The following PPP6R3 variants were observed in gnomAD, a reference collection of about 807,000 sequenced individuals.
PPP6R3 encodes the protein protein phosphatase 6 regulatory subunit 3.
A neutral mutation model predicts 110.7 loss-of-function variants in PPP6R3; 38 were observed. The observed-to-expected ratio is 0.34, with a 90% CI of 0.26 to 0.45. The LOEUF is 0.45. Among genes scored for constraint, PPP6R3 ranks in the 20% least tolerant of loss-of-function variants. The pLI, the probability that PPP6R3 is intolerant of heterozygous loss-of-function variation, is 1.00. For missense variants in PPP6R3, 870 were observed against 1,062.4 expected (o/e 0.82, Z 2.52); for synonymous variants, 369 against 373.5 (o/e 0.99, Z 0.14).
chr11:68,556,659 ACTG>A (rs1334991599), intron 7 of PPP6R3, among the ~76,000 whole-genome samples: 53 of 152,260 alleles, frequency 3.5e-4, no homozygotes, highest in African/African-American at 1.3e-3. Context: ...CTATCCAGAA[ACTG>A]CTATTTTTTA....
chr11:68,588,690 C>A (rs2099586389), intron 16 of PPP6R3, among the ~76,000 whole-genome samples: 1 of 151,014 alleles, frequency 6.6e-6, no homozygotes, highest in Non-Finnish European at 1.5e-5. Flanking sequence ...CGTGATCCGC[C>A]TGCCTCGGCT....
chr11:68,584,036 C>T (rs2099570513), intron 15 of PPP6R3, among the ~76,000 whole-genome samples: 1 of 152,200 alleles, frequency 6.6e-6, no homozygotes, highest in African/African-American at 2.4e-5. Context: ...TTGAGCTAAG[C>T]AATTGTTTGA....
intron 1 of PPP6R3, among the ~76,000 whole-genome samples, chr11:68,474,899 TTCC>T (rs1416878634): frequency 1.3e-5 from 2 of 152,096 alleles, no homozygotes; most frequent in Non-Finnish European, 1.5e-5. Flanking sequence ...AATATTTAAC[TTCC>T]TTTTTTTTAT....
chr11:68,521,321 CATT>C (rs1483722619), intron 2 of PPP6R3, among the ~76,000 whole-genome samples: 1 of 152,156 alleles, frequency 6.6e-6, no homozygotes, highest in Non-Finnish European at 1.5e-5. Flanking sequence ...AATAAGGTAT[CATT>C]AATTGTTTGG....
At chr11:68,598,189 C>T (rs565199308) in intron 19 of PPP6R3, among the ~76,000 whole-genome samples, 43 of 152,290 alleles carry the variant, frequency 2.8e-4, no homozygotes, top group African/African-American at 9.4e-4. Context: ...CAGTATTTAT[C>T]TTTGTGACTG....
At chr11:68,475,850 A>C (rs1377890688) in intron 1 of PPP6R3, among the ~76,000 whole-genome samples, 1 of 146,726 alleles carries the variant, frequency 6.8e-6, no homozygotes, top group African/African-American at 2.6e-5. Context: ...GACGCTCCTC[A>C]CCTCCCAGAT....
In PPP6R3 at chr11:68,564,285, T is replaced by G; in HGVS notation, c.846-18T>G. 1 of 1,591,122 alleles carries G rather than the reference T, an allele frequency of 6.3e-7. No homozygotes were observed. The highest frequency in any genetic ancestry group is 8.6e-7 in the Non-Finnish European group (1 of 1,165,148). ...GTTCTGAAATTATAATAACTAAAATTCCTTGCTTTGTTTCAAGATTTGAAG... is the reference window on the plus strand; with the variant it reads ...GTTCTGAAATTATAATAACTAAAATGCCTTGCTTTGTTTCAAGATTTGAAG... On this transcript the variant is annotated intron_variant, in intron 8 of 23. Transcript: ENST00000393800.
At chr11:68,477,770 A>G (rs1371253737) in intron 1 of PPP6R3, among the ~76,000 whole-genome samples, 5 of 137,962 alleles carry the variant, frequency 3.6e-5, no homozygotes, top group South Asian at 2.3e-4. Context: ...ATATATATAT[A>G]TAATTTCCAA....
chr11:68,528,748 T>C (rs898473920), intron 2 of PPP6R3, among the ~76,000 whole-genome samples: 4 of 152,222 alleles, frequency 2.6e-5, no homozygotes, highest in African/African-American at 4.8e-5. Context: ...CTTAGTGGCA[T>C]GCAGCTTTCA....
rs757878331 is a variant in PPP6R3, at chr11:68,614,778, G to T, written c.*1661G>T. ...CCCTCTCTGAAGAGACTGTCCTTGGGCCTCCTCTGGAAGCAGCACCCCCAG... is the reference window on the plus strand; with the variant it reads ...CCCTCTCTGAAGAGACTGTCCTTGGTCCTCCTCTGGAAGCAGCACCCCCAG... On this transcript the variant is annotated 3_prime_UTR_variant, in exon 24 of 24. Coordinates refer to ENST00000393800, the MANE Select transcript of PPP6R3 (RefSeq NM_001164161.2). The T allele has an allele frequency of 1.3e-5, 20 of 1,538,412 alleles. No individual in the cohort carries two copies. The African/African-American group carries it at 2.5e-4, about 19-fold the overall frequency.
At position 68,614,557 on chromosome 11, in the gene PPP6R3, AT is replaced by A. The variant is rs1354489253; in HGVS notation, c.*1442del. 3 of 1,496,282 alleles carry A rather than the reference AT, an allele frequency of 2.0e-6. No individual in the cohort carries two copies. The highest frequency in any genetic ancestry group is 2.9e-5 in the African/African-American group (2 of 69,988). 92.7% of individuals were successfully genotyped at this position (1,496,282 alleles called of 1,614,324 possible). A position where few individuals can be genotyped will look rare whatever the true frequency, so the allele number is the denominator to read the frequency against. ...AGCATCCCAAGCAGCGTGCCTAAACATTACATTGCATATGGAAATAAAAGAA... is the reference window on the plus strand; with the variant it reads ...AGCATCCCAAGCAGCGTGCCTAAACATACATTGCATATGGAAATAAAAGAA... On this transcript the variant is annotated 3_prime_UTR_variant, in exon 24 of 24. Coordinates refer to ENST00000393800, the MANE Select transcript of PPP6R3 (RefSeq NM_001164161.2).
intron 6 of PPP6R3, among the ~76,000 whole-genome samples, chr11:68,553,298 T>TA (rs1411179800): frequency 6.6e-6 from 1 of 151,814 alleles, no homozygotes; most frequent in East Asian, 1.9e-4. Flanking sequence ...TTTTACTTTT[T>TA]TTTTTTTTTT....
chr11:68,509,628 TG>T (rs2099097626), intron 1 of PPP6R3, among the ~76,000 whole-genome samples: 1 of 151,998 alleles, frequency 6.6e-6, no homozygotes, highest in African/African-American at 2.4e-5. Context: ...TTTTTATTTT[TG>T]AGACAGGGTG....
At chr11:68,489,849 A>G (rs1229391776) in intron 1 of PPP6R3, among the ~76,000 whole-genome samples, 1 of 152,054 alleles carries the variant, frequency 6.6e-6, no homozygotes, top group African/African-American at 2.4e-5. Flanking sequence ...TGAACCTGTA[A>G]TATCTCCAAG....
At position 68,480,195 on chromosome 11, in the gene PPP6R3, G is replaced by A. The variant is rs549015293; in HGVS notation, c.-158+19368G>A. Among the ~76,000 whole-genome samples the A allele has an allele frequency of 2.0e-5, 3 of 152,240 alleles. No homozygotes were observed. In the South Asian group the frequency reaches 6.2e-4, roughly 32 times the overall value. On this transcript the variant is annotated intron_variant, in intron 1 of 23. Coordinates refer to ENST00000393800, the MANE Select transcript of PPP6R3 (RefSeq NM_001164161.2). ...GCTATACGGACCATATATTCTGTAG[G>A]TAATACCAGTGGTTGCATGCTTTTC...
intron 5 of PPP6R3, among the ~76,000 whole-genome samples, chr11:68,550,003 GC>G (rs2099364548): frequency 6.6e-6 from 1 of 152,134 alleles, no homozygotes; most frequent in Non-Finnish European, 1.5e-5. Context: ...GGTCAGGAAT[GC>G]CCCGCCCCTC....
intron 2 of PPP6R3, among the ~76,000 whole-genome samples, chr11:68,536,078 G>A (rs1406895001): frequency 6.6e-6 from 1 of 152,140 alleles, no homozygotes; most frequent in Non-Finnish European, 1.5e-5. Context: ...ACAGAGCCTT[G>A]AGTAACCATG....
At chr11:68,472,617 G>GTT (rs540018058) in intron 1 of PPP6R3, among the ~76,000 whole-genome samples, 3 of 143,744 alleles carry the variant, frequency 2.1e-5, no homozygotes, top group Admixed American at 6.9e-5. Context: ...ATATCTCGGG[G>GTT]TTTTTTTTTT....
chr11:68,492,993 C>T (rs1054478030), intron 1 of PPP6R3, among the ~76,000 whole-genome samples: 2 of 152,180 alleles, frequency 1.3e-5, no homozygotes, highest in African/African-American at 2.4e-5. Context: ...ATTTTCCACA[C>T]TGTTTCTTGG....
Sources: allele counts gnomAD v4.1 joint callset (sites outside exome capture counted in the v4.1 genomes callset), GRCh38; gene constraint gnomAD v4.1.1; transcripts MANE v1.5; gene names NCBI Gene and HGNC (gene_info 2026-07-23, HGNC 2026-07-21).